WDFY4: variants seen among roughly 807,000 people sequenced by gnomAD.
WDFY4 encodes WDFY family member 4.
Under a neutral mutation model 351.9 loss-of-function variants are expected in WDFY4, and 169 were observed. The observed-to-expected ratio is 0.48, with a 90% CI of 0.42 to 0.55. The LOEUF (loss-of-function observed/expected upper bound fraction) is 0.55. Ranked by LOEUF, WDFY4 falls within the 20% of genes least tolerant of loss-of-function variation. WDFY4 has a pLI of 0.00. For synonymous variants in WDFY4, 1,622 were observed against 1,574.6 expected (o/e 1.03, Z -0.71); for missense variants, 3,803 against 3,935.6 (o/e 0.97, Z 0.90).
rs575886990 is a variant in WDFY4 at position 48,876,924 on chromosome 10, G to T, written c.7001-109G>T. 2.2e-4 allele frequency: 245 copies of T among 1,139,062 alleles called. 1 individual carries two copies. The African/African-American group carries it at 3.7e-3, about 17-fold the overall frequency. The allele number at this position is 1,139,062 out of a possible 1,614,324, so 70.6% of individuals were successfully genotyped here. On this transcript the variant is annotated intron_variant, in intron 42 of 61. Transcript: ENST00000325239. Reference sequence around the variant, plus strand: ...GTGAGAGATCCACGCTCTTCACTTCGGCCCTGGAGCCTTGCTGCTCCTTGG... The same window carrying T: ...GTGAGAGATCCACGCTCTTCACTTCTGCCCTGGAGCCTTGCTGCTCCTTGG...
intron 28 of WDFY4, among the ~76,000 whole-genome samples, chr10:48,809,804 C>T (rs1589664410): frequency 1.3e-5 from 2 of 152,366 alleles, no homozygotes; most frequent in East Asian, 3.9e-4. Context: ...AGCCTCTTCT[C>T]TTCACTCCTA....
At chr10:48,839,864 G>A (rs1299813380) in intron 39 of WDFY4, among the ~76,000 whole-genome samples, 1 of 152,220 alleles carries the variant, frequency 6.6e-6, no homozygotes, top group Non-Finnish European at 1.5e-5. Context: ...CTACTGGCGT[G>A]AGCCATGTTC....
chr10:48,762,571 G>T (rs1235084304), intron 13 of WDFY4, among the ~76,000 whole-genome samples: 2 of 152,242 alleles, frequency 1.3e-5, no homozygotes, highest in African/African-American at 4.8e-5. Context: ...ACATGGTGCT[G>T]GTGGGGTTGA....
intron 39 of WDFY4, among the ~76,000 whole-genome samples, chr10:48,834,799 C>CCTTCCCCT (rs1215047815): frequency 6.6e-6 from 1 of 152,220 alleles, no homozygotes; most frequent in Admixed American, 6.5e-5. Context: ...TTGCCAATGC[C>CCTTCCCCT]CTTCTCCCTT....
chr10:48,704,022 C>T (rs2063554418), intron 1 of WDFY4, among the ~76,000 whole-genome samples: 1 of 152,118 alleles, frequency 6.6e-6, no homozygotes, highest in Non-Finnish European at 1.5e-5. Flanking sequence ...CCATCTGGTT[C>T]CCTGCACATG....
intron 8 of WDFY4, among the ~76,000 whole-genome samples, chr10:48,730,470 C>T (rs992706124): frequency 1.3e-5 from 2 of 152,112 alleles, no homozygotes; most frequent in Non-Finnish European, 2.9e-5. Flanking sequence ...AGCTTTCTGA[C>T]AAAGTGTCTC....
chr10:48,849,239 A>C (rs1292198009), intron 39 of WDFY4, among the ~76,000 whole-genome samples: 1 of 152,246 alleles, frequency 6.6e-6, no homozygotes, highest in Non-Finnish European at 1.5e-5. Flanking sequence ...TATGGGGTTA[A>C]GTTCTAAAGT....
intron 1 of WDFY4, among the ~76,000 whole-genome samples, chr10:48,704,821 C>T (rs933662218): frequency 1.3e-5 from 2 of 152,252 alleles, no homozygotes; most frequent in African/African-American, 4.8e-5. Context: ...AGGCTGCTAG[C>T]TTTGCTGTCA....
intron 58 of WDFY4, among the ~76,000 whole-genome samples, chr10:48,975,843 T>A (rs1235849150): frequency 1.3e-5 from 2 of 151,948 alleles, no homozygotes; most frequent in Admixed American, 6.6e-5. Context: ...AATGAGCAGA[T>A]AAATGGATGA....
Position 48,982,517 on chromosome 10 carries a change from C to T in WDFY4, c.9497C>T (p.Thr3166Ile). The change falls in exon 62 of 62, where the codon ACC becomes ATC. Residue 3166 changes from threonine (T) to isoleucine (I), a missense_variant. Physicochemically the swap from Thr to Ile is moderately conservative, Grantham distance 89 (BLOSUM62 -1). Around this residue, in one of 3 missense-constraint regions of WDFY4, gnomAD observed 3,054 missense variants for 3,148.6 expected, o/e 0.97. Transcript: ENST00000325239. ...VTALAVSRNH[T>I]KLLVGDERGR... ...TTCTTTCTCTTCCCAAGAAACCACACCAAACTCCTGGTTGGTGATGAGAGG... is the reference window on the plus strand; with the variant it reads ...TTCTTTCTCTTCCCAAGAAACCACATCAAACTCCTGGTTGGTGATGAGAGG... 1 of 1,519,766 alleles carries T rather than the reference C, an allele frequency of 6.6e-7. No homozygotes were observed. Among genetic ancestry groups the T allele is most frequent in the Non-Finnish European group, 8.9e-7 (1 of 1,128,736 alleles). 94.1% of individuals were successfully genotyped at this position (1,519,766 alleles called of 1,614,324 possible).
chr10:48,702,827 C>T (rs914824775), intron 1 of WDFY4, among the ~76,000 whole-genome samples: 6 of 152,182 alleles, frequency 3.9e-5, no homozygotes, highest in African/African-American at 1.4e-4. Flanking sequence ...AGTGGCAGTG[C>T]CACGTTTGCA....
chr10:48,865,513 G>T (rs952214213), intron 39 of WDFY4, among the ~76,000 whole-genome samples: 1 of 152,088 alleles, frequency 6.6e-6, no homozygotes, highest in Non-Finnish European at 1.5e-5. Flanking sequence ...ATGAGATATT[G>T]GTCTGTAGTT....
At chr10:48,900,181 A>T (rs1326308197) in intron 45 of WDFY4, 40 bp from the exon 46 acceptor site, 1 of 1,538,108 alleles carries the variant, frequency 6.5e-7, no homozygotes, top group Non-Finnish European at 8.8e-7. Context: ...TCTCTAGTCC[A>T]CAAAATATCA....
chr10:48,978,463 T>C (rs1842671608), intron 60 of WDFY4, 70 bp downstream of exon 60: 12 of 1,413,532 alleles, frequency 8.5e-6, no homozygotes, highest in Admixed American at 4.6e-5. Context: ...TCTCTCCACC[T>C]CAGCCCAAGG....
chr10:48,880,781 A>T (rs1446535556), intron 43 of WDFY4, among the ~76,000 whole-genome samples: 1 of 152,082 alleles, frequency 6.6e-6, no homozygotes, highest in African/African-American at 2.4e-5. Flanking sequence ...CTCTGGCTTC[A>T]TGGGGAATTG....
intron 43 of WDFY4, among the ~76,000 whole-genome samples, chr10:48,887,299 G>C (rs539316996): frequency 1.3e-5 from 2 of 152,220 alleles, no homozygotes; most frequent in Admixed American, 1.3e-4. Context: ...TGAACCTGAG[G>C]TTGGGGTCTC....
In WDFY4 at chr10:48,832,442, G is replaced by A. The variant is rs373534751; in HGVS notation, c.6527-131G>A. 328 of 1,096,986 alleles carry A rather than the reference G, an allele frequency of 3.0e-4. 2 individuals carry two copies. In the African/African-American group the frequency reaches 4.5e-3, roughly 15 times the overall value. The allele number at this position is 1,096,986 out of a possible 1,614,324, so 68.0% of individuals were successfully genotyped here. A position where few individuals can be genotyped will look rare whatever the true frequency, so the allele number is the denominator to read the frequency against. On this transcript the variant is annotated intron_variant, in intron 38 of 61. Coordinates refer to ENST00000325239, the MANE Select transcript of WDFY4 (RefSeq NM_001394531.1). ...GACGGCAGTGTGAGCTTGTAGCCTG[G>A]GTTGTTTCTCTTTTTGGAGGCAACC...
chr10:48,777,328 A>G lies in WDFY4; in HGVS notation c.3099-91A>G, dbSNP rs566614105. The G allele has an allele frequency of 1.5e-5, 18 of 1,192,756 alleles. No individual in the cohort carries two copies. In the East Asian group the frequency reaches 4.1e-4, roughly 27 times the overall value. The allele number at this position is 1,192,756 out of a possible 1,614,324, so 73.9% of individuals were successfully genotyped here. On this transcript the variant is annotated intron_variant, in intron 16 of 61. Transcript: ENST00000325239. ...AGGGTTACAGTGCCGGCAGGAGGGT[A>G]GAGTGGGAAGATGTCATGGCCCAGA... is the stretch of plus-strand genomic sequence containing the variant.
intron 16 of WDFY4, 27 bp from the exon 17 acceptor site, chr10:48,777,392 T>A: frequency 1.3e-6 from 2 of 1,548,646 alleles, no homozygotes; most frequent in South Asian, 1.2e-5. Flanking sequence ...TGCAGTCCAA[T>A]GATCTGAGAC....
Sources: gnomAD v4.1 joint callset for allele counts (sites outside exome capture counted in the v4.1 genomes callset) on GRCh38, gnomAD v4.1.1 for gene constraint, gnomAD v4.1.1 regional missense constraint, MANE v1.5 for transcripts, NCBI Gene and HGNC (gene_info 2026-07-23, HGNC 2026-07-21) for gene names.